Variants in RALGPS2 observed in about 807,000 individuals in gnomAD.
RALGPS2 encodes Ral GEF with PH domain and SH3 binding motif 2.
RALGPS2 carries 43 observed loss-of-function variants against 86.8 expected under a neutral mutation model. The ratio of observed to expected loss-of-function variants is 0.50; its 90% CI spans 0.39 to 0.64. The LOEUF is 0.64. Among genes scored for constraint, RALGPS2 ranks in the 30% least tolerant of loss-of-function variants. RALGPS2 has a pLI of 0.00. For synonymous variants in RALGPS2, 243 were observed against 231.3 expected, an observed-to-expected ratio of 1.05 and a Z score of -0.46; for missense variants, 536 against 694.6, an observed-to-expected ratio of 0.77 and a Z score of 2.57.
intron 10 of RALGPS2, 131 bp downstream of exon 10, chr1:178,879,123 A>AC: frequency 1.6e-6 from 2 of 1,288,498 alleles, no homozygotes; most frequent in Non-Finnish European, 2.0e-6. Context: ...ACAGCAGTAA[A>AC]GGTACTAACA....
At chr1:178,856,202 G>GAGAGATAT (rs1428022812) in intron 8 of RALGPS2, among the ~76,000 whole-genome samples, 6 of 83,900 alleles carry the variant, frequency 7.2e-5, no homozygotes, top group African/African-American at 3.9e-4. Flanking sequence ...GAGAGAGAGA[G>GAGAGATAT]ATATATATAT....
chr1:178,741,415 A>ATT (rs1217688039), intron 1 of RALGPS2, among the ~76,000 whole-genome samples: 2 of 152,144 alleles, frequency 1.3e-5, no homozygotes, highest in Non-Finnish European at 2.9e-5. Context: ...ATTCCTTTTC[A>ATT]ATTCTTTCTT....
intron 8 of RALGPS2, among the ~76,000 whole-genome samples, chr1:178,836,008 T>G (rs1656256426): frequency 6.6e-6 from 1 of 152,196 alleles, no homozygotes; most frequent in East Asian, 1.9e-4. Flanking sequence ...TGCTGTGATT[T>G]CTAGTTGGGG....
chr1:178,730,993 T>C (rs1464176590), intron 1 of RALGPS2, among the ~76,000 whole-genome samples: 1 of 152,122 alleles, frequency 6.6e-6, no homozygotes, highest in East Asian at 1.9e-4. Context: ...CCACTGCGCC[T>C]GGCTGATTCT....
At chr1:178,871,552 C>T (rs561374318) in intron 8 of RALGPS2, among the ~76,000 whole-genome samples, 1 of 152,238 alleles carries the variant, frequency 6.6e-6, no homozygotes, top group Non-Finnish European at 1.5e-5. Flanking sequence ...TTTAAACTTA[C>T]AAGAAACTTG....
intron 8 of RALGPS2, among the ~76,000 whole-genome samples, chr1:178,861,948 C>T (rs1170239305): frequency 1.3e-5 from 2 of 152,004 alleles, no homozygotes. Context: ...TCTCGGCTCA[C>T]TGCAACCTCC....
rs575429086 is a variant in RALGPS2, at chr1:178,860,429, A to G, written c.608-17069A>G. ...TTAAAGAAAATAAAAGATTGTCATA[A>G]CATCTTTTATAAAATGTGATATGCA... On this transcript the variant is annotated intron_variant, in intron 8 of 19. Coordinates refer to ENST00000367635, the MANE Select transcript of RALGPS2 (RefSeq NM_152663.5). Among the ~76,000 whole-genome samples the G allele has an allele frequency of 1.4e-4, 22 of 152,324 alleles. No homozygotes were observed. The South Asian group carries it at 4.3e-3, about 30-fold the overall frequency.
intron 6 of RALGPS2, among the ~76,000 whole-genome samples, chr1:178,818,531 A>G (rs570936535): frequency 1.3e-5 from 2 of 152,100 alleles, no homozygotes; most frequent in African/African-American, 4.8e-5. Context: ...GGACCCTGGG[A>G]TCTAAGTCCC....
chr1:178,913,090 C>T (rs550776751), intron 19 of RALGPS2, among the ~76,000 whole-genome samples: 14 of 151,940 alleles, frequency 9.2e-5, no homozygotes, highest in Admixed American at 5.2e-4. Context: ...GGGACCAGCC[C>T]GGCCAACATG....
chr1:178,910,612 CTACT>C (rs1225849723), intron 19 of RALGPS2, among the ~76,000 whole-genome samples: 9 of 152,134 alleles, frequency 5.9e-5, no homozygotes, highest in Admixed American at 3.3e-4. Context: ...GGAATAAAGT[CTACT>C]TGATTGTGGT....
intron 1 of RALGPS2, among the ~76,000 whole-genome samples, chr1:178,764,782 A>G (rs1652413773): frequency 6.6e-6 from 1 of 152,204 alleles, no homozygotes; most frequent in Non-Finnish European, 1.5e-5. Context: ...TGCTGAATAT[A>G]GGCTGATATG....
At chr1:178,832,566 A>G (rs1239682333) in intron 7 of RALGPS2, among the ~76,000 whole-genome samples, 4 of 152,118 alleles carry the variant, frequency 2.6e-5, no homozygotes, top group African/African-American at 9.7e-5. Flanking sequence ...TGTTAATCTC[A>G]TAGGAAAATT....
At position 178,739,955 on chromosome 1, in the gene RALGPS2, G is replaced by T. The variant is rs144392309; in HGVS notation, c.-84+14536G>T. Among the ~76,000 whole-genome samples the T allele has an allele frequency of 6.4e-4, 98 of 152,268 alleles. 1 individual carries two copies. The highest frequency in any genetic ancestry group is 2.2e-3 in the African/African-American group (90 of 41,562). On this transcript the variant is annotated intron_variant, in intron 1 of 19. Coordinates refer to ENST00000367635, the MANE Select transcript of RALGPS2 (RefSeq NM_152663.5). Reference sequence around the variant, plus strand: ...AGATATAGCTATAAGGATGAATAGGGTCATTGATACTACTTCTAACTCTGA... The same window carrying T: ...AGATATAGCTATAAGGATGAATAGGTTCATTGATACTACTTCTAACTCTGA...
rs1297472188 is a variant in RALGPS2, at chr1:178,756,783, T to C, written c.-83-19899T>C. On this transcript the variant is annotated intron_variant, in intron 1 of 19. Coordinates refer to ENST00000367635, the MANE Select transcript of RALGPS2 (RefSeq NM_152663.5). ...TTTTAATTTGGCCATATAGTTTACT[T>C]ACCACAGGCTATTTGGCCTATAGTT... is the stretch of plus-strand genomic sequence containing the variant. 3.9e-5 allele frequency among the ~76,000 whole-genome samples: 6 copies of C among 152,162 alleles called. No homozygotes were observed. In the East Asian group the frequency reaches 1.2e-3, roughly 29 times the overall value.
Position 178,856,120 on chromosome 1 carries a change from A to G in RALGPS2, c.608-21378A>G, listed in dbSNP as rs541359744. On this transcript the variant is annotated intron_variant, in intron 8 of 19. Coordinates refer to ENST00000367635, the MANE Select transcript of RALGPS2 (RefSeq NM_152663.5). ...CGATAAGGATAATAGTTTTATCCTT[A>G]TAAGAATTTCTGTACTATAAGGAGA... is the stretch of plus-strand genomic sequence containing the variant. Among the ~76,000 whole-genome samples, 217 of 148,034 alleles carry G rather than the reference A, an allele frequency of 1.5e-3. 1 individual carries two copies. The highest frequency in any genetic ancestry group is 4.8e-3 in the African/African-American group (195 of 40,336).
intron 16 of RALGPS2, among the ~76,000 whole-genome samples, chr1:178,895,983 T>C (rs1324602811): frequency 1.3e-5 from 2 of 151,940 alleles, no homozygotes; most frequent in Admixed American, 1.3e-4. Flanking sequence ...AAAGTATAGC[T>C]AGAGAAGAAA....
At chr1:178,856,814 T>C (rs900123562) in intron 8 of RALGPS2, among the ~76,000 whole-genome samples, 1 of 152,342 alleles carries the variant, frequency 6.6e-6, no homozygotes, top group South Asian at 2.1e-4. Context: ...TCATTTCTAC[T>C]GCAGATAAAT....
In RALGPS2 at chr1:178,921,075, A is replaced by G. The variant is rs911524158; in HGVS notation, c.*4716A>G. 6.6e-6 allele frequency: 1 copy of G among 152,042 alleles called. No homozygotes were observed. The highest frequency in any genetic ancestry group is 1.5e-5 in the Non-Finnish European group (1 of 67,928). The allele number at this position is 152,042 out of a possible 1,614,324, so 9.4% of individuals were successfully genotyped here. On this transcript the variant is annotated 3_prime_UTR_variant, in exon 20 of 20. Transcript: ENST00000367635. ...GAGCTACTGGATGTTAACCTGAATC[A>G]AGATGTTCTTTTCACATTTTTTTAA...
intron 1 of RALGPS2, among the ~76,000 whole-genome samples, chr1:178,737,358 G>T (rs1414376966): frequency 6.6e-6 from 1 of 152,140 alleles, no homozygotes; most frequent in Non-Finnish European, 1.5e-5. Context: ...GCAATTCTCT[G>T]CCTCAGCCTC....
Sources: gnomAD v4.1 joint callset for allele counts (sites outside exome capture counted in the v4.1 genomes callset) on GRCh38, gnomAD v4.1.1 for gene constraint, MANE v1.5 for transcripts, NCBI Gene and HGNC (gene_info 2026-07-23, HGNC 2026-07-21) for gene names.